The following RGR variants were observed in gnomAD, a reference collection of about 807,000 sequenced individuals.
RGR encodes RPE-retinal G protein-coupled receptor.
RGR carries 30 observed loss-of-function variants against 28.6 expected under a neutral mutation model. The observed-to-expected ratio is 1.05, with a 90% CI of 0.78 to 1.42. The LOEUF (loss-of-function observed/expected upper bound fraction) is 1.42. Among genes scored for constraint, RGR ranks in the 40% most tolerant of loss-of-function variants. The pLI, the probability that RGR is intolerant of heterozygous loss-of-function variation, is 0.00. For missense variants in RGR, 404 were observed against 375.6 expected, an observed-to-expected ratio of 1.08 and a Z score of -0.62; for synonymous variants, 180 against 156.4, an observed-to-expected ratio of 1.15 and a Z score of -1.13.
intron 3 of RGR, among the ~76,000 whole-genome samples, chr10:84,251,689 G>A (rs576926348): frequency 1.1e-4 from 17 of 152,264 alleles, no homozygotes; most frequent in African/African-American, 2.4e-4. Context: ...GACTACTGGC[G>A]CATGCAGCAT....
chr10:84,247,907 T>A, intron 2 of RGR, 160 bp downstream of exon 2: 1 of 1,024,884 alleles, frequency 9.8e-7, no homozygotes, highest in Non-Finnish European at 1.5e-6. Flanking sequence ...AGATTGATTC[T>A]GAAGAACGAC....
At position 84,258,944 on chromosome 10, in the gene RGR, G is replaced by T. The variant is rs1842922745; in HGVS notation, c.*305G>T. On this transcript the variant is annotated 3_prime_UTR_variant, in exon 7 of 7. Coordinates refer to ENST00000652092, the MANE Select transcript of RGR (RefSeq NM_001012720.2). ...TTGTTACATGGATAGATTGCCTAGT[G>T]GTGAAGTCTGGGCTTTTAGTGTAAC... The T allele has an allele frequency of 2.5e-6, 1 of 396,032 alleles. No homozygotes were observed. Among genetic ancestry groups the T allele is most frequent in the Non-Finnish European group, 4.8e-6 (1 of 207,318 alleles). 24.5% of individuals were successfully genotyped at this position (396,032 alleles called of 1,614,324 possible). A position where few individuals can be genotyped will look rare whatever the true frequency, so the allele number is the denominator to read the frequency against.
At chr10:84,245,225 G>C in intron 1 of RGR, 56 bp downstream of exon 1, 1 of 1,553,556 alleles carries the variant, frequency 6.4e-7, no homozygotes, top group Non-Finnish European at 8.8e-7. Flanking sequence ...TGAGGACCCA[G>C]GCCACCAGTG....
chr10:84,254,115 A>G (rs999478859), intron 4 of RGR, among the ~76,000 whole-genome samples: 5 of 152,206 alleles, frequency 3.3e-5, no homozygotes, highest in Non-Finnish European at 5.9e-5. Flanking sequence ...AGCAGGGCTG[A>G]GCACTTGAAC....
intron 1 of RGR, 145 bp from the exon 2 acceptor site, chr10:84,247,446 T>C (rs1289931182): frequency 1.0e-6 from 1 of 991,602 alleles, no homozygotes; most frequent in Non-Finnish European, 1.6e-6. Flanking sequence ...ATTATGACTG[T>C]TATAGCATGA....
chr10:84,251,668 T>C (rs537295097), intron 3 of RGR, among the ~76,000 whole-genome samples: 1 of 152,328 alleles, frequency 6.6e-6, no homozygotes, highest in South Asian at 2.1e-4. Context: ...CTCAGTCTCC[T>C]GACTAGCTGG....
chr10:84,249,028 C>A lies in RGR; in HGVS notation c.343C>A (p.His115Asn). 6.2e-7 allele frequency: 1 copy of A among 1,614,024 alleles called. No individual in the cohort carries two copies. Among genetic ancestry groups the A allele is most frequent in the Non-Finnish European group, 8.5e-7 (1 of 1,179,904 alleles). Residue 115 changes from histidine to asparagine, a missense_variant, in exon 3 of 7, where the codon CAC becomes AAC. Physicochemically the swap from His to Asn is moderately conservative, Grantham distance 68. Coordinates refer to ENST00000652092, the MANE Select transcript of RGR (RefSeq NM_001012720.2). Reference protein sequence around the residue: ...SSAAIAWGRYHHYCTRSQLAW... With the variant: ...SSAAIAWGRYNHYCTRSQLAW... ...TGCAGCCATCGCATGGGGGCGTTATCACCACTACTGCACCCGTATGTATCT... is the reference window on the plus strand; with the variant it reads ...TGCAGCCATCGCATGGGGGCGTTATAACCACTACTGCACCCGTATGTATCT...
At chr10:84,245,256 G>A (rs1842733929) in intron 1 of RGR, 87 bp downstream of exon 1, 4 of 1,390,994 alleles carry the variant, frequency 2.9e-6, no homozygotes, top group Non-Finnish European at 4.0e-6. Context: ...AAGGAGAGGA[G>A]AGGTCCCCAA....
At chr10:84,254,627 G>A (rs375039435) in intron 5 of RGR, among the ~76,000 whole-genome samples, 184 bp downstream of exon 5, 8 of 152,194 alleles carry the variant, frequency 5.3e-5, no homozygotes, top group East Asian at 1.9e-4. Flanking sequence ...CAATCTCTGC[G>A]AAGTGAGATC....
intron 2 of RGR, chr10:84,248,595 A>G (rs947753405): frequency 9.0e-6 from 4 of 442,716 alleles, no homozygotes; most frequent in South Asian, 7.3e-5. Context: ...TGGCTTCAGT[A>G]TCTTTGCCTC....
intron 3 of RGR, among the ~76,000 whole-genome samples, chr10:84,249,716 A>T (rs1005018724): frequency 6.6e-6 from 1 of 152,248 alleles, no homozygotes; most frequent in Non-Finnish European, 1.5e-5. Flanking sequence ...ACAGGCGCAG[A>T]GAGGCTGTGT....
At position 84,253,006 on chromosome 10, in the gene RGR, G is replaced by A; in HGVS notation, c.508G>A (p.Asp170Asn). The change falls in exon 4 of 7, where the codon GAC (aspartate) becomes AAC (asparagine). Residue 170 changes from aspartate to asparagine, a missense_variant. Coordinates refer to ENST00000652092, the MANE Select transcript of RGR (RefSeq NM_001012720.2). ...TCCTLDYSKG[D>N]RNFTSFLFTM... ...CTGCACCCTGGACTACTCCAAGGGG[G>A]ACAGGTGAGGTGGGAGGAGCAGCTT... The A allele has an allele frequency of 6.2e-7, 1 of 1,613,380 alleles. No homozygotes were observed. Among genetic ancestry groups the A allele is most frequent in the South Asian group, 1.1e-5 (1 of 91,040 alleles).
chr10:84,252,923 G>T lies in RGR; in HGVS notation c.425G>T (p.Trp142Leu), dbSNP rs776445082. The T allele has an allele frequency of 6.2e-7, 1 of 1,614,012 alleles. No individual in the cohort carries two copies. The highest frequency in any genetic ancestry group is 1.1e-5 in the South Asian group (1 of 91,084). Residue 142 changes from tryptophan to leucine, a missense_variant, in exon 4 of 7, where the codon TGG (tryptophan) becomes TTG (leucine). Transcript: ENST00000652092. Reference sequence around the variant, plus strand: ...TTCGTGTGGCTGTCTTCTGCCTTCTGGGCAGCTCTGCCCCTTCTGGGTTGG... The same window carrying T: ...TTCGTGTGGCTGTCTTCTGCCTTCTTGGCAGCTCTGCCCCTTCTGGGTTGG... ...VLFVWLSSAF[W>L]AALPLLGWGH... is the part of the protein sequence containing the mutation.
intron 5 of RGR, among the ~76,000 whole-genome samples, chr10:84,256,860 G>T (rs1371296329): frequency 1.3e-5 from 2 of 152,040 alleles, no homozygotes; most frequent in African/African-American, 2.4e-5. Flanking sequence ...CACACGCAGG[G>T]GTCCAGGGAC....
At chr10:84,245,588 G>A (rs1373282895) in intron 1 of RGR, among the ~76,000 whole-genome samples, 2 of 152,156 alleles carry the variant, frequency 1.3e-5, no homozygotes, top group African/African-American at 2.4e-5. Context: ...GCTCTTGTGT[G>A]GCTGGAACCA....
Position 84,258,535 on chromosome 10 carries a change from C to T in RGR, c.772C>T (p.Pro258Ser), listed in dbSNP as rs745849209. 3 of 1,614,166 alleles carry T rather than the reference C, an allele frequency of 1.9e-6. No individual in the cohort carries two copies. The highest frequency in any genetic ancestry group is 1.6e-4 in the Middle Eastern group (1 of 6,062). The stretch of plus-strand genomic sequence containing the variant: ...GCCCGCCCTCATTGCCAAAATGGTG[C>T]CCACGATCAATGCCATCAACTATGC... ...MVPALIAKMV[P>S]TINAINYALG... is the part of the protein sequence containing the mutation. The change falls in exon 7 of 7, where the codon CCC (proline) becomes TCC (serine). Residue 258 changes from proline (P) to serine (S), a missense_variant. Physicochemically the swap from Pro to Ser is moderately conservative, Grantham distance 74. Transcript: ENST00000652092.
intron 6 of RGR, 103 bp downstream of exon 6, chr10:84,258,109 CCTTT>C: frequency 1.9e-6 from 2 of 1,059,384 alleles, no homozygotes; most frequent in Non-Finnish European, 2.8e-6. Context: ...TCAGTCTCTT[CCTTT>C]CTGTGTTTCT....
At position 84,245,150 on chromosome 10, in the gene RGR, G is replaced by A. The variant is rs749192962; in HGVS notation, c.60G>A (p.Gly20=). ...GGGAGCTCGAGGTGCTGGCTGTGGG[G>A]ATGGTGCTACTGGTGGAAGGTGAGC... The part of the protein sequence containing the change: ...GFGELEVLAV[G]MVLLVEALSG... The change falls in exon 1 of 7, where the codon GGG becomes GGA. Residue 20 remains glycine, a synonymous_variant. Transcript: ENST00000652092. The A allele has an allele frequency of 3.1e-6, 5 of 1,613,098 alleles. No homozygotes were observed. In the Admixed American group the frequency reaches 5.0e-5, roughly 16 times the overall value.
intron 5 of RGR, among the ~76,000 whole-genome samples, chr10:84,256,426 A>G (rs960399649): frequency 6.6e-6 from 1 of 152,104 alleles, no homozygotes; most frequent in Admixed American, 6.6e-5. Flanking sequence ...TAAGCAACTC[A>G]CCAAAAACCA....
Sources: allele counts gnomAD v4.1 joint callset (sites outside exome capture counted in the v4.1 genomes callset), GRCh38; gene constraint gnomAD v4.1.1; transcripts MANE v1.5; gene names NCBI Gene and HGNC (gene_info 2026-07-23, HGNC 2026-07-21).